Variants in FAM241A observed in about 807,000 individuals in gnomAD.
FAM241A encodes the protein uncharacterized protein FAM241A.
Under a neutral mutation model 12.2 loss-of-function variants are expected in FAM241A, and 7 were observed. The observed-to-expected ratio is 0.58, with a 90% confidence interval of 0.33 to 1.08. The LOEUF (loss-of-function observed/expected upper bound fraction) is 1.08. Ranked by LOEUF, FAM241A falls within the 50% of genes least tolerant of loss-of-function variation. FAM241A has a pLI of 0.04. For missense variants in FAM241A, 161 were observed against 169.7 expected (o/e 0.95, Z 0.29); for synonymous variants, 74 against 68.2 (o/e 1.08, Z -0.42).
In FAM241A at chr4:112,187,563, G is replaced by C. The variant is rs928445786; in HGVS notation, c.*625G>C. On this transcript the variant is annotated 3_prime_UTR_variant, in exon 2 of 2. Transcript: ENST00000309733. ...TATTATTACTGGGGAAAGCTCCCAG[G>C]TTAAATATAACTTTTTTAAAATGTA... 6.6e-6 allele frequency: 1 copy of C among 152,510 alleles called. No individual in the cohort carries two copies. Among genetic ancestry groups the C allele is most frequent in the Non-Finnish European group, 1.5e-5 (1 of 67,990 alleles). The allele number at this position is 152,510 out of a possible 1,614,324, so 9.4% of individuals were successfully genotyped here. A position where few individuals can be genotyped will look rare whatever the true frequency, so the allele number is the denominator to read the frequency against.
intron 1 of FAM241A, among the ~76,000 whole-genome samples, chr4:112,161,608 G>A (rs938019206): frequency 9.2e-5 from 14 of 151,952 alleles, no homozygotes; most frequent in Admixed American, 2.0e-4. Context: ...AGACTAAACC[G>A]GGAAGAATTT....
At chr4:112,183,828 C>G (rs1423017807) in intron 1 of FAM241A, among the ~76,000 whole-genome samples, 1 of 151,980 alleles carries the variant, frequency 6.6e-6, no homozygotes. Context: ...GAGGACTCTT[C>G]AAGTTCTACC....
chr4:112,163,307 A>G (rs1282540766), intron 1 of FAM241A, among the ~76,000 whole-genome samples: 1 of 152,208 alleles, frequency 6.6e-6, no homozygotes, highest in Non-Finnish European at 1.5e-5. Context: ...AAATTGACAA[A>G]TGGGATCTAA....
chr4:112,150,290 A>G (rs2110418924), intron 1 of FAM241A, among the ~76,000 whole-genome samples: 1 of 152,036 alleles, frequency 6.6e-6, no homozygotes, highest in African/African-American at 2.4e-5. Flanking sequence ...TATGAAAAGG[A>G]TTTTTTCCAT....
chr4:112,145,828 C>T lies in FAM241A; in HGVS notation c.153+95C>T, dbSNP rs554538947. The T allele has an allele frequency of 2.6e-4, 203 of 773,636 alleles. No homozygotes were observed. The South Asian group carries it at 7.0e-3, about 27-fold the overall frequency. 47.9% of individuals were successfully genotyped at this position (773,636 alleles called of 1,614,324 possible). A position where few individuals can be genotyped will look rare whatever the true frequency, so the allele number is the denominator to read the frequency against. ...GAAGGGGCCCGGCCCGCGGGCCGCGCCGCAGCTCTGCCCCGCGTGGGCACT... is the reference window on the plus strand; with the variant it reads ...GAAGGGGCCCGGCCCGCGGGCCGCGTCGCAGCTCTGCCCCGCGTGGGCACT... On this transcript the variant is annotated intron_variant, in intron 1 of 1. Transcript: ENST00000309733.
chr4:112,165,916 G>A (rs2110427065), intron 1 of FAM241A, among the ~76,000 whole-genome samples: 1 of 152,200 alleles, frequency 6.6e-6, no homozygotes, highest in South Asian at 2.1e-4. Flanking sequence ...TAATTGGATT[G>A]TTTGTAACAC....
chr4:112,162,584 C>G (rs1255067285), intron 1 of FAM241A, among the ~76,000 whole-genome samples: 1 of 152,100 alleles, frequency 6.6e-6, no homozygotes, highest in Non-Finnish European at 1.5e-5. Flanking sequence ...AATAAAATAC[C>G]TAGGAATCCA....
chr4:112,173,939 A>G (rs575534913), intron 1 of FAM241A, among the ~76,000 whole-genome samples: 2 of 152,226 alleles, frequency 1.3e-5, no homozygotes, highest in Non-Finnish European at 2.9e-5. Context: ...AAAACAAAAT[A>G]AAAGTCTTTT....
intron 1 of FAM241A, among the ~76,000 whole-genome samples, chr4:112,156,184 A>G (rs1723349579): frequency 6.6e-6 from 1 of 152,182 alleles, no homozygotes; most frequent in South Asian, 2.1e-4. Flanking sequence ...TATATTTCTT[A>G]TTGTGGATGA....
intron 1 of FAM241A, among the ~76,000 whole-genome samples, chr4:112,174,108 T>A (rs1723775007): frequency 6.6e-6 from 1 of 152,126 alleles, no homozygotes; most frequent in African/African-American, 2.4e-5. Context: ...TGTTGTGGAA[T>A]CTCAATTCCA....
At chr4:112,186,621 C>G (rs1724047867) in intron 1 of FAM241A, 72 bp from the exon 2 acceptor site, 2 of 1,414,210 alleles carry the variant, frequency 1.4e-6, no homozygotes, top group East Asian at 2.3e-5. Context: ...AGATGAAGAA[C>G]TAAGGTTCTT....
chr4:112,167,151 A>G (rs894052548), intron 1 of FAM241A, among the ~76,000 whole-genome samples: 2 of 151,752 alleles, frequency 1.3e-5, no homozygotes, highest in Non-Finnish European at 2.9e-5. Context: ...TAAAAATACT[A>G]ATAATTTTTT....
At chr4:112,175,886 A>G (rs1723810881) in intron 1 of FAM241A, among the ~76,000 whole-genome samples, 1 of 152,210 alleles carries the variant, frequency 6.6e-6, no homozygotes, top group Admixed American at 6.5e-5. Context: ...CCAAAGTTAA[A>G]TCAAGTAGAA....
At position 112,188,740 on chromosome 4, in the gene FAM241A, A is replaced by G. The variant is rs1724096067; in HGVS notation, c.*1802A>G. On this transcript the variant is annotated 3_prime_UTR_variant, in exon 2 of 2. Coordinates refer to ENST00000309733, the MANE Select transcript of FAM241A (RefSeq NM_152400.3). ...TTTACTTTTCCTTTGCAACACATAAATGATATGATGTACAAAATAACAGCT... is the reference window on the plus strand; with the variant it reads ...TTTACTTTTCCTTTGCAACACATAAGTGATATGATGTACAAAATAACAGCT... 6.6e-6 allele frequency: 1 copy of G among 152,184 alleles called. No homozygotes were observed. The highest frequency in any genetic ancestry group is 1.5e-5 in the Non-Finnish European group (1 of 68,030). 9.4% of individuals were successfully genotyped at this position (152,184 alleles called of 1,614,324 possible).
Position 112,186,895 on chromosome 4 carries a change from TA to T in FAM241A, c.357del (p.Val120LeufsTer19). ...TTCCTTGGCCTGCAAGCCCTTGGAC[TA>T]GTTGCTGTTCTTTGCCTTGTTATTA... is the stretch of plus-strand genomic sequence containing the variant. ...LWFLGLQALG[L>X]VAVLCLVIIY... On this transcript the variant is annotated frameshift_variant, in exon 2 of 2. Transcript: ENST00000309733. LOFTEE classifies it high-confidence loss of function. 6.2e-7 allele frequency: 1 copy of T among 1,614,060 alleles called. No individual in the cohort carries two copies. The highest frequency in any genetic ancestry group is 8.5e-7 in the Non-Finnish European group (1 of 1,179,934).
chr4:112,180,651 A>C (rs1723915933), intron 1 of FAM241A, among the ~76,000 whole-genome samples: 1 of 152,206 alleles, frequency 6.6e-6, no homozygotes, highest in Non-Finnish European at 1.5e-5. Flanking sequence ...TAAATTTAAA[A>C]AAAAAACTTT....
intron 1 of FAM241A, among the ~76,000 whole-genome samples, chr4:112,150,111 C>CT (rs1294783926): frequency 1.3e-5 from 2 of 152,026 alleles, no homozygotes; most frequent in East Asian, 3.9e-4. Flanking sequence ...ATTTTTTACT[C>CT]TATATATTTA....
At chr4:112,160,356 G>C (rs1389878602) in intron 1 of FAM241A, among the ~76,000 whole-genome samples, 2 of 144,062 alleles carry the variant, frequency 1.4e-5, no homozygotes, top group Non-Finnish European at 3.0e-5. Flanking sequence ...AGTGAGCCAA[G>C]ATCACACCAC....
rs1364188980 is a variant in FAM241A at position 112,194,274 on chromosome 4, T to C, written c.*7336T>C. The C allele has an allele frequency of 2.6e-5, 4 of 151,666 alleles. No individual in the cohort carries two copies. Among genetic ancestry groups the C allele is most frequent in the East Asian group, 3.9e-4 (2 of 5,188 alleles). The allele number at this position is 151,666 out of a possible 1,614,324, so 9.4% of individuals were successfully genotyped here. On this transcript the variant is annotated 3_prime_UTR_variant, in exon 2 of 2. Coordinates refer to ENST00000309733, the MANE Select transcript of FAM241A (RefSeq NM_152400.3). ...CTGAGACAATGGGGTTTTCTAGATA[T>C]ACAATCATGTCATCTGCAAACAGGG...
Sources: gnomAD v4.1 joint callset for allele counts (sites outside exome capture counted in the v4.1 genomes callset) on GRCh38, gnomAD v4.1.1 for gene constraint, MANE v1.5 for transcripts, NCBI Gene and HGNC (gene_info 2026-07-23, HGNC 2026-07-21) for gene names.